ATP6V0A4: variants seen among roughly 807,000 people sequenced by gnomAD.
ATP6V0A4 encodes the protein V-type proton ATPase 116 kDa subunit a 4.
ATP6V0A4 carries 86 observed loss-of-function variants against 107.3 expected under a neutral mutation model. That is an observed-to-expected ratio of 0.80 (90% CI 0.67 to 0.96). ATP6V0A4 has a LOEUF of 0.96. Among genes scored for constraint, ATP6V0A4 ranks in the 40% least tolerant of loss-of-function variants. The pLI is 0.00. For missense variants in ATP6V0A4, 908 were observed against 1,045.6 expected (o/e 0.87, Z 1.81); for synonymous variants, 353 against 381.4 (o/e 0.93, Z 0.87).
At chr7:138,765,320 G>C (rs919291745) in intron 5 of ATP6V0A4, among the ~76,000 whole-genome samples, 1 of 152,124 alleles carries the variant, frequency 6.6e-6, no homozygotes, top group Admixed American at 6.5e-5. Flanking sequence ...ATGACACAAA[G>C]TTGGGGGGAA....
At position 138,756,573 on chromosome 7, in the gene ATP6V0A4, G is replaced by T. The variant is rs1219258702; in HGVS notation, c.640-33C>A. ...ATCAGAATAAGTTAAAAAAAAAGGG[G>T]GGGGTTTCTTTCTGGTTAAAACATA... is the stretch of plus-strand genomic sequence containing the variant. On this transcript the variant is annotated intron_variant, in intron 8 of 21. Transcript: ENST00000310018. 2.5e-6 allele frequency: 4 copies of T among 1,600,776 alleles called. No individual in the cohort carries two copies. In the South Asian group the frequency reaches 3.3e-5, roughly 13 times the overall value.
Position 138,747,778 on chromosome 7 carries a change from T to A in ATP6V0A4, c.1181-214A>T, listed in dbSNP as rs370078. On this transcript the variant is annotated intron_variant, in intron 12 of 21. Transcript: ENST00000310018. ...TCTGTTTTTCAATTTTTTTTGAAAG[T>A]GGGTCTCGCTCTGTCACCCAGGCTG... The A allele has an allele frequency of 0.92, 633,909 of 691,114 alleles. 290,910 individuals carry two copies. Among genetic ancestry groups the A allele is most frequent in the Middle Eastern group, 0.97 (2,127 of 2,182 alleles). The allele number at this position is 691,114 out of a possible 1,614,324, so 42.8% of individuals were successfully genotyped here. A position where few individuals can be genotyped will look rare whatever the true frequency, so the allele number is the denominator to read the frequency against.
At chr7:138,780,140 TC>T in intron 2 of ATP6V0A4, 1 of 152,198 alleles carries the variant, frequency 6.6e-6, no homozygotes, top group Admixed American at 6.5e-5. Flanking sequence ...TAGAGCAGGG[TC>T]ATATTAAGAG....
Position 138,706,632 on chromosome 7 carries a change from CG to C in ATP6V0A4, c.2514del (p.Glu839ArgfsTer24), listed in dbSNP as rs753356162. The part of the protein sequence containing the change: ...FSFKHILDGT[A>X]EE ...GAGGTGCAGCCCTCAGCCTACTCCT[CG>C]GCTGTGCCATCCAGGATGTGTTTAA... On this transcript the variant is annotated frameshift_variant, in exon 22 of 22. Coordinates refer to ENST00000310018, the MANE Select transcript of ATP6V0A4 (RefSeq NM_020632.3). LOFTEE classifies it high-confidence loss of function. 2 of 1,613,920 alleles carry C rather than the reference CG, an allele frequency of 1.2e-6. No individual in the cohort carries two copies. Among genetic ancestry groups the C allele is most frequent in the South Asian group, 2.2e-5 (2 of 91,066 alleles).
In ATP6V0A4 at chr7:138,771,193, C is replaced by T. The variant is rs1159301747; in HGVS notation, c.55G>A (p.Val19Met). 4.3e-6 allele frequency: 7 copies of T among 1,614,050 alleles called. No homozygotes were observed. The African/African-American group carries it at 8.0e-5, about 18-fold the overall frequency. ...EMCLSQLFLQ[V>M]EAAYCCVAEL... Reference sequence around the variant, plus strand: ...GCCACACAGCAATATGCAGCTTCCACCTGGAGAAACAGTTGTGACAAACAC... The same window carrying T: ...GCCACACAGCAATATGCAGCTTCCATCTGGAGAAACAGTTGTGACAAACAC... Residue 19 changes from valine (V) to methionine (M), a missense_variant, in exon 3 of 22, where the codon GTG becomes ATG. Physicochemically the swap from Val to Met is conservative, Grantham distance 21. Transcript: ENST00000310018.
intron 7 of ATP6V0A4, 130 bp from the exon 8 acceptor site, chr7:138,760,008 A>G (rs1806721222): frequency 2.6e-6 from 4 of 1,528,022 alleles, no homozygotes; most frequent in Non-Finnish European, 1.8e-6. Context: ...GGACCCCGAC[A>G]CAGCTCTACC....
At position 138,733,082 on chromosome 7, in the gene ATP6V0A4, C is replaced by T. The variant is rs774244498; in HGVS notation, c.1703G>A (p.Arg568Lys). The change falls in exon 17 of 22, where the codon AGA becomes AAA. Residue 568 changes from arginine (R) to lysine (K), a missense_variant. Physicochemically the swap from Arg to Lys is conservative, Grantham distance 26 (BLOSUM62 2). Coordinates refer to ENST00000310018, the MANE Select transcript of ATP6V0A4 (RefSeq NM_020632.3). ...LSLFNHIYFR[R>K]TLNIILQFIP... The stretch of plus-strand genomic sequence containing the variant: ...AAATTGCAGAATGATGTTGAGAGTT[C>T]TTCTGAAGTATCTGGGGGTGGAAGA... 1 of 1,613,762 alleles carries T rather than the reference C, an allele frequency of 6.2e-7. No homozygotes were observed.
Position 138,784,285 on chromosome 7 carries a change from T to C in ATP6V0A4, c.-18+1873A>G, listed in dbSNP as rs1266835237. On this transcript the variant is annotated intron_variant, in intron 2 of 21. Transcript: ENST00000310018. ...ATATATACATATATATATATACATATATATACACACACACACACACACATA... is the reference window on the plus strand; with the variant it reads ...ATATATACATATATATATATACATACATATACACACACACACACACACATA... 7.0e-3 allele frequency among the ~76,000 whole-genome samples: 223 copies of C among 32,086 alleles called. 10 individuals carry two copies. In the South Asian group the frequency reaches 0.15, roughly 22 times the overall value. The allele number at this position is 32,086 out of a possible 152,430, so 21.0% of individuals were successfully genotyped here.
At chr7:138,712,095 G>A (rs1172236045) in intron 20 of ATP6V0A4, among the ~76,000 whole-genome samples, 2 of 152,132 alleles carry the variant, frequency 1.3e-5, no homozygotes, top group Non-Finnish European at 2.9e-5. Flanking sequence ...ACCACACCCA[G>A]CTAATTTTAT....
At chr7:138,791,643 A>G (rs1281290570) in intron 1 of ATP6V0A4, among the ~76,000 whole-genome samples, 1 of 152,246 alleles carries the variant, frequency 6.6e-6, no homozygotes, top group African/African-American at 2.4e-5. Context: ...AACAGAAACA[A>G]TGGTAGCCAA....
rs1339759087 is a variant in ATP6V0A4 at position 138,728,865 on chromosome 7, G to A, written c.1909-3C>T. On this transcript the variant is annotated splice_region_variant and splice_polypyrimidine_tract_variant and intron_variant, in intron 17 of 21. Coordinates refer to ENST00000310018, the MANE Select transcript of ATP6V0A4 (RefSeq NM_020632.3). The stretch of plus-strand genomic sequence containing the variant: ...ACAAAGAAACTTTGGACTTCTTGCT[G>A]CAAGACCAAAATGGCGAGATCTCAT... 3 of 1,614,134 alleles carry A rather than the reference G, an allele frequency of 1.9e-6. No homozygotes were observed. The highest frequency in any genetic ancestry group is 1.7e-6 in the Non-Finnish European group (2 of 1,180,046).
intron 21 of ATP6V0A4, among the ~76,000 whole-genome samples, chr7:138,707,126 T>TATCATATATATTATATATATAA (rs1246238163): frequency 1.4e-5 from 1 of 73,094 alleles, no homozygotes. Flanking sequence ...ATATATAATA[T>TATCATATATATTATATATATAA]TATATATACA....
At chr7:138,792,768 T>TTG (rs1563025255) in intron 1 of ATP6V0A4, among the ~76,000 whole-genome samples, 1 of 78,968 alleles carries the variant, frequency 1.3e-5, no homozygotes, top group African/African-American at 5.2e-5. Context: ...TCAGGTTTGT[T>TTG]TTTTTTTTTG....
chr7:138,778,149 A>C (rs1444569595), intron 2 of ATP6V0A4, among the ~76,000 whole-genome samples: 1 of 152,150 alleles, frequency 6.6e-6, no homozygotes, highest in African/African-American at 2.4e-5. Context: ...CAAGGCAGGC[A>C]GATTACTTGA....
chr7:138,788,165 A>G (rs1808252457), intron 1 of ATP6V0A4, among the ~76,000 whole-genome samples: 1 of 152,200 alleles, frequency 6.6e-6, no homozygotes, highest in African/African-American at 2.4e-5. Context: ...ACTGGAGAAG[A>G]AAAATTGGCG....
intron 2 of ATP6V0A4, among the ~76,000 whole-genome samples, chr7:138,777,631 A>ATACACACACACAC (rs1274092641): frequency 8.3e-6 from 1 of 119,810 alleles, no homozygotes; most frequent in African/African-American, 3.5e-5. Flanking sequence ...AAAAAAAAAA[A>ATACACACACACAC]ATACACACAC....
At chr7:138,781,539 C>T (rs1807921397) in intron 2 of ATP6V0A4, among the ~76,000 whole-genome samples, 1 of 152,106 alleles carries the variant, frequency 6.6e-6, no homozygotes, top group Non-Finnish European at 1.5e-5. Flanking sequence ...ACCATCTTGG[C>T]CAGGCTGGTC....
chr7:138,754,174 C>T (rs903861321), intron 10 of ATP6V0A4, among the ~76,000 whole-genome samples: 1 of 152,056 alleles, frequency 6.6e-6, no homozygotes, highest in Non-Finnish European at 1.5e-5. Context: ...ACAGGCCAGG[C>T]GCAGTGGCTC....
intron 14 of ATP6V0A4, among the ~76,000 whole-genome samples, chr7:138,743,153 T>C (rs1383808742): frequency 1.3e-5 from 2 of 151,918 alleles, no homozygotes; most frequent in African/African-American, 4.8e-5. Context: ...TCAGGAAAGC[T>C]TTGTCAAAAG....
Sources: allele counts gnomAD v4.1 joint callset (sites outside exome capture counted in the v4.1 genomes callset), GRCh38; gene constraint gnomAD v4.1.1; transcripts MANE v1.5; gene names NCBI Gene and HGNC (gene_info 2026-07-23, HGNC 2026-07-21).